The following GPC5 variants were observed in gnomAD, a reference collection of about 807,000 sequenced individuals.
GPC5 encodes the protein glypican 5.
A neutral mutation model predicts 53.9 loss-of-function variants in GPC5; 47 were observed. The ratio of observed to expected loss-of-function variants is 0.87; its 90% confidence interval spans 0.69 to 1.11. The LOEUF (loss-of-function observed/expected upper bound fraction) is 1.11, where lower values mean the gene tolerates loss of function less well. GPC5 is among the 50% of genes most tolerant of loss of function. The pLI, the probability that GPC5 is intolerant of heterozygous loss-of-function variation, is 0.00. For missense variants in GPC5, 748 were observed against 713.1 expected (o/e 1.05, Z -0.56); for synonymous variants, 286 against 263.3 (o/e 1.09, Z -0.84).
In GPC5 at chr13:92,579,068, G is replaced by C. The variant is rs145756457; in HGVS notation, c.1562-287214G>C. Among the ~76,000 whole-genome samples, 367 of 152,210 alleles carry C rather than the reference G, an allele frequency of 2.4e-3. 2 individuals are homozygous for C. Among genetic ancestry groups the C allele is most frequent in the African/African-American group, 8.5e-3 (353 of 41,550 alleles). On this transcript the variant is annotated intron_variant, in intron 7 of 7. Transcript: ENST00000377067. ...AAAGTTATTCAGAGGTCATGGAAAA[G>C]AAAAGTTCACTGTCAAAATTAATAT...
chr13:91,562,619 ATTTT>A (rs35271520), intron 2 of GPC5, among the ~76,000 whole-genome samples: 1 of 126,078 alleles, frequency 7.9e-6, no homozygotes. Flanking sequence ...ATGCCTGGCT[ATTTT>A]TTTTTTTTTT....
intron 6 of GPC5, among the ~76,000 whole-genome samples, chr13:91,971,303 G>A (rs886506701): frequency 7.9e-5 from 12 of 151,720 alleles, no homozygotes; most frequent in South Asian, 2.1e-4. Flanking sequence ...CTGTGGGATC[G>A]GTGGTGATAT....
intron 2 of GPC5, among the ~76,000 whole-genome samples, chr13:91,526,700 C>T (rs1397083139): frequency 6.6e-6 from 1 of 152,100 alleles, no homozygotes; most frequent in Non-Finnish European, 1.5e-5. Flanking sequence ...TGTATTAGTC[C>T]ATTCTCACAC....
intron 5 of GPC5, among the ~76,000 whole-genome samples, chr13:91,846,531 G>A (rs1393284129): frequency 2.6e-5 from 4 of 151,864 alleles, no homozygotes; most frequent in Non-Finnish European, 5.9e-5. Context: ...CAGCTTTAGG[G>A]CTCCTAGATC....
At position 91,674,477 on chromosome 13, in the gene GPC5, A is replaced by G. The variant is rs557653049; in HGVS notation, c.326-18710A>G. On this transcript the variant is annotated intron_variant, in intron 2 of 7. Coordinates refer to ENST00000377067, the MANE Select transcript of GPC5 (RefSeq NM_004466.6). ...CACACACACACGCACATATACACAC[A>G]CACGCGCATGTGTATATATGCATAT... 1.4e-3 allele frequency among the ~76,000 whole-genome samples: 205 copies of G among 150,510 alleles called. 3 individuals carry two copies. Among genetic ancestry groups the G allele is most frequent in the Admixed American group, 4.8e-3 (72 of 15,050 alleles).
At chr13:92,835,654 T>C (rs540123615) in intron 7 of GPC5, among the ~76,000 whole-genome samples, 71 of 152,164 alleles carry the variant, frequency 4.7e-4, no homozygotes, top group African/African-American at 1.6e-3. Context: ...GCAACAAACA[T>C]GTTTGTAAAG....
At chr13:92,314,780 A>T (rs562591977) in intron 7 of GPC5, among the ~76,000 whole-genome samples, 1 of 152,016 alleles carries the variant, frequency 6.6e-6, no homozygotes, top group Non-Finnish European at 1.5e-5. Flanking sequence ...ATTTTTATTT[A>T]TTTATTTTCA....
chr13:92,441,996 A>G (rs960040577), intron 7 of GPC5, among the ~76,000 whole-genome samples: 2 of 152,210 alleles, frequency 1.3e-5, no homozygotes, highest in Non-Finnish European at 2.9e-5. Context: ...TGAATTTAAT[A>G]TGCATTATTT....
At chr13:91,767,939 G>A (rs1310600578) in intron 5 of GPC5, among the ~76,000 whole-genome samples, 2 of 152,108 alleles carry the variant, frequency 1.3e-5, no homozygotes, top group African/African-American at 4.8e-5. Context: ...GCTCCAGGAT[G>A]CCTGTTCTTA....
At chr13:91,653,281 T>A (rs2034762247) in intron 2 of GPC5, among the ~76,000 whole-genome samples, 1 of 152,140 alleles carries the variant, frequency 6.6e-6, no homozygotes, top group Admixed American at 6.5e-5. Flanking sequence ...TAATAAACCC[T>A]TATAAGATTA....
intron 6 of GPC5, among the ~76,000 whole-genome samples, chr13:92,108,372 C>A (rs1266848164): frequency 6.6e-6 from 1 of 152,124 alleles, no homozygotes; most frequent in Non-Finnish European, 1.5e-5. Context: ...TCAAGTAATG[C>A]ATTATTATCT....
At chr13:91,630,856 G>GT (rs1036697133) in intron 2 of GPC5, among the ~76,000 whole-genome samples, 10 of 151,934 alleles carry the variant, frequency 6.6e-5, no homozygotes, top group East Asian at 1.9e-4. Flanking sequence ...TTTTGTTTTT[G>GT]TTTTTTTAAA....
At chr13:92,447,861 C>T (rs879701956) in intron 7 of GPC5, 4 of 152,048 alleles carry the variant, frequency 2.6e-5, no homozygotes, top group Non-Finnish European at 4.4e-5. Context: ...TCAAATGAAG[C>T]TAATGGATTT....
intron 7 of GPC5, among the ~76,000 whole-genome samples, chr13:92,731,295 GA>G (rs1758383132): frequency 1.3e-5 from 2 of 151,346 alleles, no homozygotes; most frequent in African/African-American, 4.8e-5. Context: ...TAAACTTTCT[GA>G]AACTAAATGT....
chr13:92,610,968 A>ATTTTTTTTTTTT (rs35225757), intron 7 of GPC5, among the ~76,000 whole-genome samples: 1 of 140,120 alleles, frequency 7.1e-6, no homozygotes, highest in Non-Finnish European at 1.5e-5. Context: ...CTCAATACAT[A>ATTTTTTTTTTTT]TTTTTTTTTT....
chr13:92,729,117 A>G (rs2139296820), intron 7 of GPC5, among the ~76,000 whole-genome samples: 1 of 151,352 alleles, frequency 6.6e-6, no homozygotes, highest in South Asian at 2.1e-4. Context: ...CTTCACTTGG[A>G]CTGCCCTTCT....
At chr13:92,462,253 C>T (rs1878517649) in intron 7 of GPC5, among the ~76,000 whole-genome samples, 1 of 152,122 alleles carries the variant, frequency 6.6e-6, no homozygotes. Context: ...GAGGTGGAAG[C>T]AGAGGCACCA....
At chr13:91,449,099 A>C (rs9589238) in intron 2 of GPC5, among the ~76,000 whole-genome samples, 177 bp downstream of exon 2, 6,772 of 152,134 alleles carry the variant, frequency 0.045, 190 homozygotes, top group South Asian at 0.13. Flanking sequence ...TCATTGTGGG[A>C]GTATATACTG....
At chr13:92,491,219 G>A (rs1025660061) in intron 7 of GPC5, among the ~76,000 whole-genome samples, 4 of 151,938 alleles carry the variant, frequency 2.6e-5, no homozygotes, top group Non-Finnish European at 2.9e-5. Context: ...TATGTGAAGT[G>A]CTATTTTAAT....
Sources: allele counts gnomAD v4.1 joint callset (sites outside exome capture counted in the v4.1 genomes callset), GRCh38; gene constraint gnomAD v4.1.1; transcripts MANE v1.5; gene names NCBI Gene and HGNC (gene_info 2026-07-23, HGNC 2026-07-21).